Variants in BAZ2B observed in about 807,000 individuals in gnomAD.
The protein encoded by BAZ2B is bromodomain adjacent to zinc finger domain protein 2B.
In BAZ2B, 91 loss-of-function variants were observed where a neutral mutation model predicts 246.0. That is an observed-to-expected ratio of 0.37 (90% CI 0.31 to 0.44). BAZ2B has a LOEUF of 0.44. Among genes scored for constraint, BAZ2B ranks in the 20% least tolerant of loss-of-function variants. The pLI, the probability that BAZ2B is intolerant of heterozygous loss-of-function variation, is 1.00. For synonymous variants in BAZ2B, 855 were observed against 860.0 expected, an observed-to-expected ratio of 0.99 and a Z score of 0.10; for missense variants, 2,332 against 2,533.7, an observed-to-expected ratio of 0.92 and a Z score of 1.71.
At chr2:159,561,574 C>T (rs747020537) in intron 1 of BAZ2B, among the ~76,000 whole-genome samples, 4 of 152,174 alleles carry the variant, frequency 2.6e-5, no homozygotes, top group African/African-American at 4.8e-5. Context: ...GCTGGTGTTA[C>T]TAAGGAACCA....
At chr2:159,473,931 T>C (rs1227237957) in intron 3 of BAZ2B, among the ~76,000 whole-genome samples, 1 of 152,198 alleles carries the variant, frequency 6.6e-6, no homozygotes, top group African/African-American at 2.4e-5. Context: ...AGAGACTGTT[T>C]GTTATGATTT....
Position 159,448,230 on chromosome 2 carries a change from A to T in BAZ2B, c.502+12T>A, listed in dbSNP as rs12470533. 691,019 of 1,606,968 alleles carry T rather than the reference A, an allele frequency of 0.43. 152,832 individuals are homozygous for T. Among genetic ancestry groups the T allele is most frequent in the Non-Finnish European group, 0.46 (547,299 of 1,177,148 alleles). ...AAGATTTATAGTACTTCACTTATGTAAATGTGGATACCTTTTTCGGGACCA... is the reference window on the plus strand; with the variant it reads ...AAGATTTATAGTACTTCACTTATGTTAATGTGGATACCTTTTTCGGGACCA... On this transcript the variant is annotated intron_variant, in intron 5 of 36. Transcript: ENST00000392783.
chr2:159,502,970 T>C (rs1023870894), intron 2 of BAZ2B, among the ~76,000 whole-genome samples: 2 of 152,316 alleles, frequency 1.3e-5, no homozygotes, highest in Middle Eastern at 3.4e-3. Flanking sequence ...AAAGTATATA[T>C]ATCTTCTCTC....
Position 159,433,235 on chromosome 2 carries a change from T to C in BAZ2B, c.1422A>G (p.Thr474=), listed in dbSNP as rs1385314429. The change falls in exon 9 of 37, where the codon ACA becomes ACG. Residue 474 remains threonine, a synonymous_variant. Coordinates refer to ENST00000392783, the MANE Select transcript of BAZ2B (RefSeq NM_013450.4). ...TSSSPAHPKQ[T]LENNHPNPFL... ...ATGGATTTGGGTGGTTGTTTTCTAA[T>C]GTTTGTTTTGGATGTGCTGGTGAAC... is the stretch of plus-strand genomic sequence containing the variant. 6.2e-7 allele frequency: 1 copy of C among 1,614,084 alleles called. No individual in the cohort carries two copies. Among genetic ancestry groups the C allele is most frequent in the Admixed American group, 1.7e-5 (1 of 60,002 alleles).
chr2:159,567,966 G>A lies in BAZ2B; in HGVS notation c.-45-12101C>T, dbSNP rs564399488. Among the ~76,000 whole-genome samples the A allele has an allele frequency of 4.3e-4, 66 of 152,096 alleles. 1 individual carries two copies. The highest frequency in any genetic ancestry group is 1.3e-3 in the African/African-American group (55 of 41,474). On this transcript the variant is annotated intron_variant, in intron 1 of 36. Coordinates refer to ENST00000392783, the MANE Select transcript of BAZ2B (RefSeq NM_013450.4). Reference sequence around the variant, plus strand: ...CAGCCTGGGGAAAGAGTGAGATTCCGTCTCAAAAAACTAAAAATAAATAAA... The same window carrying A: ...CAGCCTGGGGAAAGAGTGAGATTCCATCTCAAAAAACTAAAAATAAATAAA...
chr2:159,589,157 T>C (rs1688716337), intron 1 of BAZ2B, among the ~76,000 whole-genome samples: 1 of 152,232 alleles, frequency 6.6e-6, no homozygotes, highest in Non-Finnish European at 1.5e-5. Context: ...TGAAGACTGC[T>C]GCCACTCATA....
chr2:159,581,199 A>G (rs887159641), intron 1 of BAZ2B, among the ~76,000 whole-genome samples: 3 of 152,220 alleles, frequency 2.0e-5, no homozygotes, highest in African/African-American at 7.2e-5. Context: ...AGAATCTACA[A>G]AGAACTTAAA....
At chr2:159,362,662 T>C (rs1442733136) in intron 27 of BAZ2B, among the ~76,000 whole-genome samples, 1 of 152,192 alleles carries the variant, frequency 6.6e-6, no homozygotes, top group Non-Finnish European at 1.5e-5. Context: ...GGAGAACCCA[T>C]GGGTCAAAGA....
At position 159,439,227 on chromosome 2, in the gene BAZ2B, G is replaced by A. The variant is rs1176367461; in HGVS notation, c.697-15C>T. The A allele has an allele frequency of 3.1e-6, 5 of 1,599,050 alleles. No homozygotes were observed. The highest frequency in any genetic ancestry group is 4.3e-6 in the Non-Finnish European group (5 of 1,171,552). ...TTCCTTGGTTTCTGGATAACGACAA[G>A]GTAGTTGGCAAGACTTTATTTTTGG... On this transcript the variant is annotated splice_polypyrimidine_tract_variant and intron_variant, in intron 6 of 36. Transcript: ENST00000392783.
At chr2:159,667,645 A>G in the BAZ2B span, among the ~76,000 whole-genome samples, 1 of 145,760 alleles carries the variant, frequency 6.9e-6, no homozygotes, top group Admixed American at 6.8e-5. Context: ...AATAAATAAA[A>G]GACTCTCCAT....
intron 13 of BAZ2B, among the ~76,000 whole-genome samples, chr2:159,414,779 T>C (rs1274315660): frequency 2.0e-5 from 3 of 150,382 alleles, no homozygotes; most frequent in African/African-American, 7.4e-5. Flanking sequence ...ATGGAACCAC[T>C]GTACTCCAGC....
At chr2:159,340,845 A>G (rs551929767) in intron 31 of BAZ2B, among the ~76,000 whole-genome samples, 9 of 152,138 alleles carry the variant, frequency 5.9e-5, no homozygotes, top group Non-Finnish European at 1.0e-4. Context: ...AAGCTAATAC[A>G]CAAAGGAGAA....
chr2:159,540,378 G>C lies in BAZ2B; in HGVS notation c.-3+15445C>G, dbSNP rs1474980616. Among the ~76,000 whole-genome samples the C allele has an allele frequency of 2.0e-5, 3 of 152,152 alleles. No homozygotes were observed. In the East Asian group the frequency reaches 5.8e-4, roughly 29 times the overall value. ...CTTACTGAATATCAATACTACAACTGAGGTACACAAAAATAAAGATAATTA... is the reference window on the plus strand; with the variant it reads ...CTTACTGAATATCAATACTACAACTCAGGTACACAAAAATAAAGATAATTA... On this transcript the variant is annotated intron_variant, in intron 2 of 36. Transcript: ENST00000392783.
chr2:159,441,304 AG>A (rs2073345967), intron 6 of BAZ2B, among the ~76,000 whole-genome samples: 1 of 152,234 alleles, frequency 6.6e-6, no homozygotes, highest in African/African-American at 2.4e-5. Context: ...TATACTCCCC[AG>A]GAACAGTCAT....
intron 2 of BAZ2B, among the ~76,000 whole-genome samples, chr2:159,528,437 C>T (rs1373763695): frequency 6.6e-6 from 1 of 152,156 alleles, no homozygotes; most frequent in Non-Finnish European, 1.5e-5. Context: ...AATCCCAGCA[C>T]TTTGGGAGGC....
intron 13 of BAZ2B, among the ~76,000 whole-genome samples, chr2:159,420,376 A>G (rs2068527302): frequency 6.6e-6 from 1 of 152,252 alleles, no homozygotes; most frequent in Admixed American, 6.5e-5. Context: ...TGCATTAAAA[A>G]GAAGAAACAC....
At position 159,431,094 on chromosome 2, in the gene BAZ2B, C is replaced by A; in HGVS notation, c.1963G>T (p.Asp655Tyr). The part of the protein sequence containing the change: ...GSEEEDDDDK[D>Y]QDESDSDTEG... ...GTATCACTATCTGATTCATCTTGGT[C>A]TTTATCATCATCATCTTCTTCTTCT... The change falls in exon 10 of 37, where the codon GAC (aspartate) becomes TAC (tyrosine). Residue 655 changes from aspartate to tyrosine, a missense_variant. Asp to Tyr is a radical substitution (Grantham distance 160). Around this residue, in one of 9 missense-constraint regions of BAZ2B, gnomAD observed 651 missense variants for 650.9 expected, o/e 1.00. Coordinates refer to ENST00000392783, the MANE Select transcript of BAZ2B (RefSeq NM_013450.4). 6.2e-7 allele frequency: 1 copy of A among 1,613,660 alleles called. No individual in the cohort carries two copies. Among genetic ancestry groups the A allele is most frequent in the South Asian group, 1.1e-5 (1 of 91,052 alleles).
chr2:159,495,256 C>A (rs1018728965), intron 2 of BAZ2B, among the ~76,000 whole-genome samples: 4 of 151,366 alleles, frequency 2.6e-5, no homozygotes, highest in Non-Finnish European at 5.9e-5. Flanking sequence ...GAGGCCGAGG[C>A]GGGCGGATCA....
chr2:159,325,317 G>T (rs1011633276), intron 35 of BAZ2B, among the ~76,000 whole-genome samples: 1 of 149,708 alleles, frequency 6.7e-6, no homozygotes, highest in Non-Finnish European at 1.5e-5. Flanking sequence ...TTTTAGTAGA[G>T]ACAGGGTTTC....
Sources: allele counts gnomAD v4.1 joint callset (sites outside exome capture counted in the v4.1 genomes callset), GRCh38; gene constraint gnomAD v4.1.1; regional missense constraint gnomAD v4.1.1; transcripts MANE v1.5; gene names NCBI Gene and HGNC (gene_info 2026-07-23, HGNC 2026-07-21).